The following TACR3 variants were observed in gnomAD, a reference collection of about 807,000 sequenced individuals.
TACR3 encodes the protein neuromedin-K receptor.
Under a neutral mutation model 35.0 loss-of-function variants are expected in TACR3, and 34 were observed. That is an observed-to-expected ratio of 0.97 (90% CI 0.74 to 1.30). The LOEUF is 1.30. TACR3 is among the 50% of genes most tolerant of loss of function. TACR3 has a pLI of 0.00. For synonymous variants in TACR3, 233 were observed against 221.1 expected, an observed-to-expected ratio of 1.05 and a Z score of -0.48; for missense variants, 558 against 591.7, an observed-to-expected ratio of 0.94 and a Z score of 0.59.
rs548386690 is a variant in TACR3 at position 103,642,389 on chromosome 4, AATT to A, written c.888+13802_888+13804del. On this transcript the variant is annotated intron_variant, in intron 3 of 4. Coordinates refer to ENST00000304883, the MANE Select transcript of TACR3 (RefSeq NM_001059.3). ...AAAATGTTGCTTTTTTAAATTGGCA[AATT>A]ATTATTATTTGTCTATTATAAAAAG... 5.3e-5 allele frequency among the ~76,000 whole-genome samples: 8 copies of A among 151,974 alleles called. No individual in the cohort carries two copies. In the South Asian group the frequency reaches 1.2e-3, roughly 24 times the overall value.
chr4:103,709,310 G>C (rs144540880), intron 1 of TACR3, among the ~76,000 whole-genome samples: 6,158 of 152,260 alleles, frequency 0.04, 405 homozygotes, highest in African/African-American at 0.14. Context: ...CGGATCTCTT[G>C]GCAGAAACTC....
chr4:103,703,938 C>T (rs533971115), intron 1 of TACR3, among the ~76,000 whole-genome samples: 1 of 151,150 alleles, frequency 6.6e-6, no homozygotes, highest in South Asian at 2.1e-4. Context: ...ATCTCTACTA[C>T]AAAATACAAA....
intron 3 of TACR3, 145 bp downstream of exon 3, chr4:103,656,044 CAAAAG>C (rs1725727233): frequency 2.1e-6 from 2 of 953,780 alleles, no homozygotes; most frequent in Non-Finnish European, 1.6e-6. Context: ...TATACAAAAC[CAAAAG>C]AAAAGAAAAA....
chr4:103,627,301 G>A (rs1384179804), intron 3 of TACR3, among the ~76,000 whole-genome samples: 2 of 145,602 alleles, frequency 1.4e-5, no homozygotes, highest in African/African-American at 5.1e-5. Context: ...GATCACCTGA[G>A]GTCAGGAGTA....
At chr4:103,602,274 G>A (rs1055296789) in intron 3 of TACR3, among the ~76,000 whole-genome samples, 9 of 152,060 alleles carry the variant, frequency 5.9e-5, no homozygotes, top group African/African-American at 1.9e-4. Context: ...GGTTATTCTA[G>A]TTATCCATTT....
chr4:103,708,508 G>T (rs1051178697), intron 1 of TACR3, among the ~76,000 whole-genome samples: 13 of 152,262 alleles, frequency 8.5e-5, no homozygotes, highest in African/African-American at 3.1e-4. Context: ...CCATCTGTAT[G>T]TCACCATCAT....
intron 1 of TACR3, among the ~76,000 whole-genome samples, chr4:103,663,115 G>A (rs1463727065): frequency 6.6e-6 from 1 of 152,166 alleles, no homozygotes; most frequent in Non-Finnish European, 1.5e-5. Flanking sequence ...AAGTAATTGA[G>A]GCAATTTTAT....
At chr4:103,670,676 T>G (rs1726038890) in intron 1 of TACR3, among the ~76,000 whole-genome samples, 1 of 152,082 alleles carries the variant, frequency 6.6e-6, no homozygotes, top group Non-Finnish European at 1.5e-5. Context: ...TTGTCCAACT[T>G]TATTGAACTC....
intron 4 of TACR3, 65 bp downstream of exon 4, chr4:103,591,422 A>G: frequency 1.3e-6 from 2 of 1,580,292 alleles, no homozygotes; most frequent in Non-Finnish European, 1.7e-6. Flanking sequence ...AAATGGAACA[A>G]CATTGTATGT....
intron 1 of TACR3, among the ~76,000 whole-genome samples, chr4:103,695,805 TAAG>T (rs1254519693): frequency 7.2e-5 from 11 of 152,038 alleles, no homozygotes; most frequent in African/African-American, 4.8e-5. Context: ...TTTATTATGT[TAAG>T]AAATACTGTA....
Position 103,691,429 on chromosome 4 carries a change from A to G in TACR3, c.548+27699T>C, listed in dbSNP as rs547540509. On this transcript the variant is annotated intron_variant, in intron 1 of 4. Coordinates refer to ENST00000304883, the MANE Select transcript of TACR3 (RefSeq NM_001059.3). ...TGCAGTGGTAGCAGGTAGATCAGTT[A>G]TTCCCAGGTTTTAGGTCAGGAAGAG... 2.6e-5 allele frequency among the ~76,000 whole-genome samples: 4 copies of G among 152,324 alleles called. No homozygotes were observed. The South Asian group carries it at 6.2e-4, about 24-fold the overall frequency.
chr4:103,590,524 A>G (rs1181992899), intron 4 of TACR3, among the ~76,000 whole-genome samples: 1 of 152,150 alleles, frequency 6.6e-6, no homozygotes, highest in Non-Finnish European at 1.5e-5. Flanking sequence ...CCATTAAATG[A>G]AGTTAATTAA....
intron 3 of TACR3, among the ~76,000 whole-genome samples, chr4:103,615,638 A>T (rs1182769142): frequency 1.3e-5 from 2 of 152,222 alleles, no homozygotes; most frequent in East Asian, 3.8e-4. Flanking sequence ...AAAGAAAAAG[A>T]CTAAATGTCT....
At chr4:103,694,373 A>C (rs905601999) in intron 1 of TACR3, among the ~76,000 whole-genome samples, 2 of 152,036 alleles carry the variant, frequency 1.3e-5, no homozygotes, top group African/African-American at 4.8e-5. Context: ...GTTAGTCAAC[A>C]ACCCAGCCAT....
intron 2 of TACR3, among the ~76,000 whole-genome samples, chr4:103,657,019 A>G (rs112467820): frequency 2.8e-4 from 42 of 152,214 alleles, no homozygotes; most frequent in African/African-American, 9.6e-4. Context: ...TGCTGCTGTG[A>G]ATTATCAAAT....
intron 1 of TACR3, among the ~76,000 whole-genome samples, chr4:103,704,796 G>A (rs973982026): frequency 3.9e-5 from 6 of 152,084 alleles, no homozygotes; most frequent in Non-Finnish European, 5.9e-5. Context: ...TCCTCTCCCC[G>A]ACTATCCTCA....
intron 3 of TACR3, among the ~76,000 whole-genome samples, chr4:103,639,968 T>C (rs1376861334): frequency 6.6e-6 from 1 of 152,006 alleles, no homozygotes; most frequent in African/African-American, 2.4e-5. Context: ...TAATTAATAA[T>C]CATAATTAGG....
At position 103,626,042 on chromosome 4, in the gene TACR3, G is replaced by A. The variant is rs969129869; in HGVS notation, c.888+30152C>T. ...CCTACATTTTGATCTTGGACTTCTA[G>A]CCTCCAAGACAGTGGAAAAATAAAT... On this transcript the variant is annotated intron_variant, in intron 3 of 4. Coordinates refer to ENST00000304883, the MANE Select transcript of TACR3 (RefSeq NM_001059.3). 4.6e-5 allele frequency among the ~76,000 whole-genome samples: 7 copies of A among 152,118 alleles called. No individual in the cohort carries two copies. The East Asian group carries it at 1.2e-3, about 25-fold the overall frequency.
intron 3 of TACR3, among the ~76,000 whole-genome samples, chr4:103,635,134 T>C (rs945759548): frequency 6.6e-6 from 1 of 152,012 alleles, no homozygotes; most frequent in African/African-American, 2.4e-5. Flanking sequence ...ATATGAGTAA[T>C]AGAGACAAAA....
Sources: gnomAD v4.1 joint callset for allele counts (sites outside exome capture counted in the v4.1 genomes callset) on GRCh38, gnomAD v4.1.1 for gene constraint, MANE v1.5 for transcripts, NCBI Gene and HGNC (gene_info 2026-07-23, HGNC 2026-07-21) for gene names.